The following NRIP1 variants were observed in gnomAD, a reference collection of about 807,000 sequenced individuals.
The protein encoded by NRIP1 is nuclear receptor interacting protein 1, also known as nuclear receptor-interacting protein 1.
Under a neutral mutation model 75.0 loss-of-function variants are expected in NRIP1, and 28 were observed. The ratio of observed to expected loss-of-function variants is 0.37; its 90% CI spans 0.28 to 0.51. The LOEUF is 0.51. NRIP1 is among the 20% of genes least tolerant of loss of function. The probability of loss-of-function intolerance (pLI) is 0.92; values close to 1 mark genes in which losing one functional copy is unlikely to be tolerated. For synonymous variants in NRIP1, 526 were observed against 487.6 expected (o/e 1.08, Z -1.04); for missense variants, 1,435 against 1,343.7 (o/e 1.07, Z -1.06).
intron 3 of NRIP1, among the ~76,000 whole-genome samples, chr21:14,980,834 A>G (rs1363510023): frequency 1.3e-5 from 2 of 152,178 alleles, no homozygotes; most frequent in African/African-American, 4.8e-5. Context: ...TTGCATGAAA[A>G]TAACCCAAAA....
chr21:15,029,517 C>A (rs2088595615), intron 2 of NRIP1, among the ~76,000 whole-genome samples: 1 of 152,164 alleles, frequency 6.6e-6, no homozygotes, highest in South Asian at 2.1e-4. Context: ...TAATAAGATA[C>A]CATAAATTGA....
intron 3 of NRIP1, among the ~76,000 whole-genome samples, chr21:15,005,599 G>A (rs2087949612): frequency 6.6e-6 from 1 of 152,138 alleles, no homozygotes; most frequent in Non-Finnish European, 1.5e-5. Flanking sequence ...ACTGGCTGAA[G>A]GACATCTTAA....
chr21:14,987,489 T>C (rs2147052493), intron 3 of NRIP1, among the ~76,000 whole-genome samples: 1 of 152,290 alleles, frequency 6.6e-6, no homozygotes, highest in Middle Eastern at 3.4e-3. Flanking sequence ...TGTCACCTTG[T>C]TAAGGCCAAG....
intron 1 of NRIP1, among the ~76,000 whole-genome samples, chr21:15,063,879 T>C (rs1978573088): frequency 6.6e-6 from 1 of 152,264 alleles, no homozygotes; most frequent in Non-Finnish European, 1.5e-5. Context: ...TAGAAACTCC[T>C]GGAATGCTTC....
At chr21:15,021,733 C>A (rs1004447027) in intron 2 of NRIP1, among the ~76,000 whole-genome samples, 6 of 151,976 alleles carry the variant, frequency 3.9e-5, no homozygotes, top group African/African-American at 1.4e-4. Flanking sequence ...TGAACAAAGA[C>A]ATGAACAGAC....
intron 2 of NRIP1, among the ~76,000 whole-genome samples, chr21:15,021,667 T>C (rs981332934): frequency 6.6e-6 from 1 of 152,146 alleles, no homozygotes; most frequent in South Asian, 2.1e-4. Context: ...AAAGGTCTCA[T>C]ATCCAGAGTT....
intron 3 of NRIP1, among the ~76,000 whole-genome samples, chr21:14,973,843 AT>A (rs11391044): frequency 1.3e-3 from 173 of 129,828 alleles, no homozygotes; most frequent in Middle Eastern, 4.1e-3. Context: ...TGCAGAGCTG[AT>A]TTTTTTTTTT....
intron 1 of NRIP1, among the ~76,000 whole-genome samples, chr21:15,056,421 T>G (rs528809376): frequency 6.6e-6 from 1 of 152,130 alleles, no homozygotes; most frequent in African/African-American, 2.4e-5. Flanking sequence ...CATCCAGATA[T>G]TGGAAAGGAA....
At chr21:15,025,077 C>A (rs2088484086) in intron 2 of NRIP1, among the ~76,000 whole-genome samples, 1 of 152,022 alleles carries the variant, frequency 6.6e-6, no homozygotes, top group African/African-American at 2.4e-5. Flanking sequence ...CAAGTTGGAG[C>A]AGAAGGGCAT....
chr21:15,023,636 C>A (rs889374506), intron 2 of NRIP1, among the ~76,000 whole-genome samples: 3 of 152,142 alleles, frequency 2.0e-5, no homozygotes, highest in African/African-American at 7.2e-5. Flanking sequence ...GACAATTCTT[C>A]CCAAATTAAA....
At chr21:14,995,565 GT>G (rs957474669) in intron 3 of NRIP1, among the ~76,000 whole-genome samples, 1 of 152,150 alleles carries the variant, frequency 6.6e-6, no homozygotes, top group Non-Finnish European at 1.5e-5. Context: ...GAATTACAGT[GT>G]TCTGGGAGAG....
chr21:15,042,458 T>C lies in NRIP1; in HGVS notation c.-458+1037A>G, dbSNP rs76942144. 0.012 allele frequency among the ~76,000 whole-genome samples: 1,897 copies of C among 152,344 alleles called. 214 individuals carry two copies. The East Asian group carries it at 0.26, about 21-fold the overall frequency. On this transcript the variant is annotated intron_variant, in intron 2 of 3. Transcript: ENST00000318948. ...GGCTGGCATATCCATATGTGATCTA[T>C]GAGGTATGCTATGGCCTGAATGTTG...
At chr21:14,996,258 T>C (rs73172318) in intron 3 of NRIP1, among the ~76,000 whole-genome samples, 24,865 of 152,190 alleles carry the variant, frequency 0.16, 2,587 homozygotes, top group East Asian at 0.45. Context: ...ACCTACAGAC[T>C]ACCTCCATTC....
Position 14,966,480 on chromosome 21 carries a change from G to A in NRIP1, c.1713C>T (p.His571=), listed in dbSNP as rs771850039. 3 of 1,614,106 alleles carry A rather than the reference G, an allele frequency of 1.9e-6. No homozygotes were observed. Among genetic ancestry groups the A allele is most frequent in the Non-Finnish European group, 1.7e-6 (2 of 1,179,978 alleles). The part of the protein sequence containing the change: ...KAGSPINLSQ[H]SLVIKWNSPP... Reference sequence around the variant, plus strand: ...GGGAATTCCATTTGATGACCAGAGAGTGTTGAGAGAGATTGATGGGAGACC... The same window carrying A: ...GGGAATTCCATTTGATGACCAGAGAATGTTGAGAGAGATTGATGGGAGACC... Residue 571 remains histidine, a synonymous_variant, in exon 4 of 4, where the codon CAC becomes CAT. Transcript: ENST00000318948.
chr21:15,039,660 T>C (rs2088911211), intron 2 of NRIP1, among the ~76,000 whole-genome samples: 1 of 152,060 alleles, frequency 6.6e-6, no homozygotes, highest in African/African-American at 2.4e-5. Context: ...TTTTATTAAA[T>C]ATGGTGGAGT....
intron 3 of NRIP1, among the ~76,000 whole-genome samples, chr21:15,013,879 A>G (rs1302241531): frequency 6.6e-6 from 1 of 152,174 alleles, no homozygotes; most frequent in Non-Finnish European, 1.5e-5. Flanking sequence ...ACATGCTTCT[A>G]TTTTTCCTCA....
At chr21:15,058,030 G>C (rs906262491) in intron 1 of NRIP1, among the ~76,000 whole-genome samples, 1 of 152,164 alleles carries the variant, frequency 6.6e-6, no homozygotes, top group African/African-American at 2.4e-5. Flanking sequence ...CCACAGGCTT[G>C]AAATCTTTAC....
chr21:14,975,068 G>C (rs1462754999), intron 3 of NRIP1, among the ~76,000 whole-genome samples: 1 of 151,674 alleles, frequency 6.6e-6, no homozygotes. Flanking sequence ...AGCCATGATA[G>C]CACCTGTGCA....
At chr21:14,982,438 C>T (rs1048617534) in intron 3 of NRIP1, among the ~76,000 whole-genome samples, 1 of 152,082 alleles carries the variant, frequency 6.6e-6, no homozygotes, top group African/African-American at 2.4e-5. Context: ...CTTAAAAATG[C>T]ATACAGAATC....
Sources: allele counts gnomAD v4.1 joint callset (sites outside exome capture counted in the v4.1 genomes callset), GRCh38; gene constraint gnomAD v4.1.1; transcripts MANE v1.5; gene names NCBI Gene and HGNC (gene_info 2026-07-23, HGNC 2026-07-21).